SVIL: variants seen among roughly 807,000 people sequenced by gnomAD.
The protein encoded by SVIL is archvillin.
A neutral mutation model predicts 240.4 loss-of-function variants in SVIL; 101 were observed. The ratio of observed to expected loss-of-function variants is 0.42; its 90% CI spans 0.36 to 0.50. SVIL has a LOEUF of 0.50. Ranked by LOEUF, SVIL falls within the 20% of genes least tolerant of loss-of-function variation. The pLI, the probability that SVIL is intolerant of heterozygous loss-of-function variation, is 0.01. For synonymous variants in SVIL, 999 were observed against 1,100.0 expected, an observed-to-expected ratio of 0.91 and a Z score of 1.82; for missense variants, 2,512 against 2,818.7, an observed-to-expected ratio of 0.89 and a Z score of 2.46.
intron 1 of SVIL, among the ~76,000 whole-genome samples, chr10:29,593,107 T>C (rs1956452334): frequency 1.3e-5 from 2 of 152,222 alleles, no homozygotes; most frequent in African/African-American, 2.4e-5. Flanking sequence ...TGTTTAAAAT[T>C]TTTTGATAGC....
chr10:29,533,187 C>T lies in SVIL; in HGVS notation c.1180G>A (p.Val394Ile), dbSNP rs201859211. 4 of 1,614,128 alleles carry T rather than the reference C, an allele frequency of 2.5e-6. No homozygotes were observed. Among genetic ancestry groups the T allele is most frequent in the African/African-American group, 2.7e-5 (2 of 75,024 alleles). The stretch of plus-strand genomic sequence containing the variant: ...GGGACATTCTGGGTGGCTGATGCTA[C>T]CCAGCTACACTCAGATGCATTTTCT... ...TPENASECSW[V>I]ASATQNVPKP... Residue 394 changes from valine (V) to isoleucine (I), a missense_variant, in exon 8 of 38, where the codon GTA (valine) becomes ATA (isoleucine). This residue lies in a region of SVIL where 1,443 missense variants were observed against 1,486.6 expected (regional missense o/e 0.97). Transcript: ENST00000355867.
intron 21 of SVIL, among the ~76,000 whole-genome samples, chr10:29,492,075 C>G (rs1948015678): frequency 6.6e-6 from 1 of 152,094 alleles, no homozygotes; most frequent in Non-Finnish European, 1.5e-5. Context: ...GTGGGTGGAG[C>G]CTGTCTAGCG....
At chr10:29,647,462 A>G (rs1407636820) in intron 3 of SVIL, among the ~76,000 whole-genome samples, 3 of 152,192 alleles carry the variant, frequency 2.0e-5, no homozygotes, top group Admixed American at 2.0e-4. Flanking sequence ...AGAATGTTTT[A>G]AAAGTCTTAA....
chr10:29,492,886 A>C (rs779392144), intron 21 of SVIL, among the ~76,000 whole-genome samples: 5 of 152,252 alleles, frequency 3.3e-5, no homozygotes, highest in Admixed American at 6.5e-5. Flanking sequence ...CTCTCTGCTA[A>C]GTGATGTAAA....
intron 1 of SVIL, among the ~76,000 whole-genome samples, chr10:29,570,625 G>C (rs1268777375): frequency 1.3e-5 from 2 of 152,206 alleles, no homozygotes; most frequent in Non-Finnish European, 2.9e-5. Flanking sequence ...AAATAATTTA[G>C]TATGTATAGC....
At chr10:29,507,039 G>A (rs1004845035) in intron 17 of SVIL, among the ~76,000 whole-genome samples, 1 of 152,178 alleles carries the variant, frequency 6.6e-6, no homozygotes, top group African/African-American at 2.4e-5. Flanking sequence ...CTCAGCCCAG[G>A]CTGGGGTCTG....
chr10:29,661,093 G>C (rs897935961), intron 2 of SVIL, among the ~76,000 whole-genome samples: 4 of 151,624 alleles, frequency 2.6e-5, no homozygotes, highest in African/African-American at 9.7e-5. Flanking sequence ...CTTGAACCAG[G>C]GAGTCGGAGG....
chr10:29,544,282 A>T (rs966791912), intron 6 of SVIL, among the ~76,000 whole-genome samples: 1 of 152,218 alleles, frequency 6.6e-6, no homozygotes, highest in African/African-American at 2.4e-5. Context: ...ATTTGCTAAA[A>T]GTCGCTTGTT....
chr10:29,549,765 C>T (rs533174842), intron 6 of SVIL, among the ~76,000 whole-genome samples: 66 of 141,784 alleles, frequency 4.7e-4, no homozygotes, highest in African/African-American at 1.5e-3. Flanking sequence ...AGTAAACTAT[C>T]GCAAAAACAA....
chr10:29,728,062 T>G (rs77589437), intron 1 of SVIL, among the ~76,000 whole-genome samples: 1 of 152,168 alleles, frequency 6.6e-6, no homozygotes. Context: ...GGATCATAAG[T>G]AGAAAGCATC....
intron 2 of SVIL, among the ~76,000 whole-genome samples, chr10:29,666,268 C>T (rs1959281547): frequency 6.6e-6 from 1 of 152,142 alleles, no homozygotes; most frequent in Non-Finnish European, 1.5e-5. Context: ...AAAAATAATA[C>T]AACAGCTTTG....
intron 1 of SVIL, among the ~76,000 whole-genome samples, chr10:29,734,946 C>T (rs987850596): frequency 1.3e-5 from 2 of 152,162 alleles, no homozygotes; most frequent in Non-Finnish European, 2.9e-5. Context: ...AGGAACTTCT[C>T]ATTGCAATAA....
At position 29,714,948 on chromosome 10, in the gene SVIL, TA is replaced by T. The variant is rs61107910; in HGVS notation, c.-400+20802del. 8.8e-3 allele frequency among the ~76,000 whole-genome samples: 687 copies of T among 78,444 alleles called. 6 individuals carry two copies. The highest frequency in any genetic ancestry group is 0.014 in the African/African-American group (295 of 21,228). The allele number at this position is 78,444 out of a possible 152,430, so 51.5% of individuals were successfully genotyped here. A position where few individuals can be genotyped will look rare whatever the true frequency, so the allele number is the denominator to read the frequency against. On this transcript the variant is annotated intron_variant, in intron 1 of 35. Coordinates refer to the SVIL transcript ENST00000375400. ...AACAAAGAAAGACCTTGTCTGAAAT[TA>T]AAAAAAAAAAAAAAAAAAGAAGAAA...
intron 35 of SVIL, among the ~76,000 whole-genome samples, chr10:29,462,881 A>G (rs1003743216): frequency 9.2e-5 from 14 of 152,256 alleles, no homozygotes; most frequent in African/African-American, 3.4e-4. Context: ...TCCATTGCAC[A>G]TACTCAGTGA....
rs754714337 is a variant in SVIL, at chr10:29,480,682, C to A, written c.5232G>T (p.Arg1744Ser). ...AAACGCTGGTGATCTCAAACTGCCT[C>A]CTGTCGTGTCCTTCCACCAGGCCAT... ...RGYGLVEGHDRRQFEITSVSV... is the reference protein window; with the variant it reads ...RGYGLVEGHDSRQFEITSVSV... The change falls in exon 29 of 38, where the codon AGG (arginine) becomes AGT (serine). Residue 1744 changes from arginine to serine, a missense_variant. Transcript: ENST00000355867. 1.2e-6 allele frequency: 2 copies of A among 1,614,212 alleles called. No homozygotes were observed. Among genetic ancestry groups the A allele is most frequent in the Admixed American group, 3.3e-5 (2 of 60,026 alleles).
chr10:29,568,030 A>AC (rs1955125714), intron 2 of SVIL, among the ~76,000 whole-genome samples: 1 of 150,402 alleles, frequency 6.6e-6, no homozygotes, highest in East Asian at 1.9e-4. Context: ...AAAAAAAACA[A>AC]AAAAAAAAAC....
intron 6 of SVIL, among the ~76,000 whole-genome samples, chr10:29,546,640 C>T (rs1952717065): frequency 6.6e-6 from 1 of 152,040 alleles, no homozygotes; most frequent in South Asian, 2.1e-4. Context: ...CAGATGTGTA[C>T]AGGTGTTAAT....
intron 1 of SVIL, among the ~76,000 whole-genome samples, chr10:29,722,407 T>C (rs4584471): frequency 0.66 from 99,586 of 151,944 alleles, 32,865 homozygotes; most frequent in Non-Finnish European, 0.7. Flanking sequence ...TTAAGAAATT[T>C]TGGCTTAACA....
chr10:29,652,111 T>C (rs1958857811), intron 3 of SVIL, among the ~76,000 whole-genome samples: 1 of 152,198 alleles, frequency 6.6e-6, no homozygotes, highest in African/African-American at 2.4e-5. Context: ...TGGTTTTTAA[T>C]ATATTCACGG....
Sources: allele counts gnomAD v4.1 joint callset (sites outside exome capture counted in the v4.1 genomes callset), GRCh38; gene constraint gnomAD v4.1.1; regional missense constraint gnomAD v4.1.1; transcripts MANE v1.5; gene names NCBI Gene and HGNC (gene_info 2026-07-23, HGNC 2026-07-21).